Variants in SEMA3E observed in about 807,000 individuals in gnomAD.
SEMA3E encodes semaphorin 3E.
A neutral mutation model predicts 93.6 loss-of-function variants in SEMA3E; 49 were observed. That is an observed-to-expected ratio of 0.52 (90% CI 0.42 to 0.66). The LOEUF is 0.66. Ranked by LOEUF, SEMA3E falls within the 30% of genes least tolerant of loss-of-function variation. The pLI is 0.00. For synonymous variants in SEMA3E, 363 were observed against 330.7 expected, an observed-to-expected ratio of 1.10 and a Z score of -1.06; for missense variants, 906 against 964.8, an observed-to-expected ratio of 0.94 and a Z score of 0.81.
rs11981767 is a variant in SEMA3E, at chr7:83,605,233, T to C, written c.115+43195A>G. Among the ~76,000 whole-genome samples, 912 of 152,284 alleles carry C rather than the reference T, an allele frequency of 6.0e-3. 9 individuals carry two copies. The highest frequency in any genetic ancestry group is 0.021 in the African/African-American group (878 of 41,552). On this transcript the variant is annotated intron_variant, in intron 1 of 16. Coordinates refer to ENST00000643230, the MANE Select transcript of SEMA3E (RefSeq NM_012431.3). Reference sequence around the variant, plus strand: ...ATGTCTTCCACAATGGATGAACTAATTTACATTCCCACCCACAGTGTAAAA... The same window carrying C: ...ATGTCTTCCACAATGGATGAACTAACTTACATTCCCACCCACAGTGTAAAA...
chr7:83,488,307 GT>G (rs1353766583), intron 2 of SEMA3E, among the ~76,000 whole-genome samples: 1 of 152,072 alleles, frequency 6.6e-6, no homozygotes, highest in Non-Finnish European at 1.5e-5. Flanking sequence ...GGGGTCCCTG[GT>G]AGAAAGTTCC....
intron 1 of SEMA3E, among the ~76,000 whole-genome samples, chr7:83,545,084 C>A (rs912459561): frequency 6.6e-6 from 1 of 151,938 alleles, no homozygotes. Flanking sequence ...GATATGATGG[C>A]CTTGCTAAAT....
At chr7:83,621,930 G>A (rs915291925) in intron 1 of SEMA3E, among the ~76,000 whole-genome samples, 13 of 152,056 alleles carry the variant, frequency 8.5e-5, no homozygotes, top group African/African-American at 3.1e-4. Context: ...ATATATGCAT[G>A]GCAAAGAATT....
intron 4 of SEMA3E, among the ~76,000 whole-genome samples, chr7:83,443,916 G>GATATATATAT (rs60405752): frequency 9.2e-4 from 135 of 147,442 alleles, no homozygotes; most frequent in African/African-American, 3.1e-3. Flanking sequence ...ATAATGACCT[G>GATATATATAT]ATATATATAT....
At chr7:83,416,189 G>A (rs1788534826) in intron 5 of SEMA3E, among the ~76,000 whole-genome samples, 1 of 152,084 alleles carries the variant, frequency 6.6e-6, no homozygotes, top group African/African-American at 2.4e-5. Flanking sequence ...GGATAAATGT[G>A]AAGAATTATA....
At position 83,392,614 on chromosome 7, in the gene SEMA3E, GT is replaced by G; in HGVS notation, c.1607del (p.Tyr536SerfsTer58). On this transcript the variant is annotated frameshift_variant, in exon 14 of 17. Transcript: ENST00000643230. LOFTEE classifies it high-confidence loss of function. ...CADCCLARDPYCAWDGISCSR... is the reference protein window; with the variant it reads ...CADCCLARDPXCAWDGISCSR... ...AGCAGGATATGCCATCCCAGGCACA[GT>G]AAGGGTCTCGAGCCAGGCAGCAGTC... is the stretch of plus-strand genomic sequence containing the variant. The G allele has an allele frequency of 6.2e-7, 1 of 1,613,890 alleles. No homozygotes were observed. Among genetic ancestry groups the G allele is most frequent in the Non-Finnish European group, 8.5e-7 (1 of 1,179,892 alleles).
intron 13 of SEMA3E, 73 bp from the exon 14 acceptor site, chr7:83,392,794 CATTT>C: frequency 7.5e-7 from 1 of 1,341,208 alleles, no homozygotes; most frequent in Non-Finnish European, 1.1e-6. Flanking sequence ...CTAGTTTTCA[CATTT>C]ATACACAATC....
chr7:83,443,296 A>G (rs1397158389), intron 4 of SEMA3E, among the ~76,000 whole-genome samples: 1 of 152,200 alleles, frequency 6.6e-6, no homozygotes, highest in East Asian at 1.9e-4. Flanking sequence ...AAATCTGAAC[A>G]CTTGGAACAT....
chr7:83,594,554 C>A (rs1041015687), intron 1 of SEMA3E, among the ~76,000 whole-genome samples: 2 of 152,070 alleles, frequency 1.3e-5, no homozygotes, highest in African/African-American at 4.8e-5. Context: ...TGAGCGCAAA[C>A]CTTCCTAGGT....
At chr7:83,407,616 T>C (rs1788355316) in intron 6 of SEMA3E, among the ~76,000 whole-genome samples, 1 of 152,142 alleles carries the variant, frequency 6.6e-6, no homozygotes, top group South Asian at 2.1e-4. Context: ...TAAATGTAAG[T>C]ATAAGTAACA....
chr7:83,608,894 T>C (rs1271169754), intron 1 of SEMA3E, among the ~76,000 whole-genome samples: 2 of 152,138 alleles, frequency 1.3e-5, no homozygotes, highest in Non-Finnish European at 2.9e-5. Context: ...AGAAAAAAAG[T>C]AGACTGTGGT....
In SEMA3E at chr7:83,400,196, C is replaced by A. The variant is rs766917020; in HGVS notation, c.1198G>T (p.Asp400Tyr). 2.5e-6 allele frequency: 4 copies of A among 1,613,928 alleles called. No homozygotes were observed. The highest frequency in any genetic ancestry group is 3.4e-6 in the Non-Finnish European group (4 of 1,179,930). Reference protein sequence around the residue: ...RYGTTKDYPDDAIRFARSHPL... With the variant: ...RYGTTKDYPDYAIRFARSHPL... Reference sequence around the variant, plus strand: ...TGACTTCTTGCAAATCGGATGGCATCATCAGGATAGTCCTTGGTGGTTCCG... The same window carrying A: ...TGACTTCTTGCAAATCGGATGGCATAATCAGGATAGTCCTTGGTGGTTCCG... The change falls in exon 11 of 17, where the codon GAT (aspartate) becomes TAT (tyrosine). Residue 400 changes from aspartate to tyrosine, a missense_variant. Asp to Tyr is a radical substitution (Grantham distance 160, BLOSUM62 -3). Coordinates refer to ENST00000643230, the MANE Select transcript of SEMA3E (RefSeq NM_012431.3).
chr7:83,544,121 A>T (rs776807276), intron 1 of SEMA3E, among the ~76,000 whole-genome samples: 3 of 152,134 alleles, frequency 2.0e-5, no homozygotes, highest in African/African-American at 7.2e-5. Flanking sequence ...TGTTGGAAAT[A>T]GGCACCTGTA....
intron 1 of SEMA3E, among the ~76,000 whole-genome samples, chr7:83,516,510 A>G (rs919949410): frequency 2.0e-5 from 3 of 152,208 alleles, no homozygotes; most frequent in Non-Finnish European, 2.9e-5. Context: ...AATAATACTT[A>G]GCAAATCTTA....
chr7:83,501,933 T>G (rs1790604977), intron 1 of SEMA3E, among the ~76,000 whole-genome samples: 1 of 152,162 alleles, frequency 6.6e-6, no homozygotes, highest in African/African-American at 2.4e-5. Context: ...ACTCCCAAAT[T>G]TTTGTCTTCT....
intron 1 of SEMA3E, among the ~76,000 whole-genome samples, chr7:83,516,187 T>A (rs940247953): frequency 6.6e-6 from 1 of 152,160 alleles, no homozygotes; most frequent in East Asian, 1.9e-4. Flanking sequence ...TATTCATTAA[T>A]TTAATATGTA....
intron 1 of SEMA3E, among the ~76,000 whole-genome samples, chr7:83,534,233 T>C (rs1312943186): frequency 1.3e-5 from 2 of 152,174 alleles, no homozygotes; most frequent in Non-Finnish European, 2.9e-5. Context: ...TCTATCTCAT[T>C]TTTAAAAAAA....
chr7:83,497,752 A>G (rs1233416369), intron 1 of SEMA3E, among the ~76,000 whole-genome samples: 1 of 152,156 alleles, frequency 6.6e-6, no homozygotes, highest in Non-Finnish European at 1.5e-5. Flanking sequence ...CTTGTCTTTC[A>G]TGCAGTCTTT....
chr7:83,430,204 C>T (rs1013812700), intron 4 of SEMA3E, among the ~76,000 whole-genome samples: 1 of 152,096 alleles, frequency 6.6e-6, no homozygotes, highest in African/African-American at 2.4e-5. Context: ...GTGGCTCATG[C>T]TTGTAATCCC....
Sources: gnomAD v4.1 joint callset for allele counts (sites outside exome capture counted in the v4.1 genomes callset) on GRCh38, gnomAD v4.1.1 for gene constraint, MANE v1.5 for transcripts, NCBI Gene and HGNC (gene_info 2026-07-23, HGNC 2026-07-21) for gene names.